The following FGF14 variants were observed in gnomAD, a reference collection of about 807,000 sequenced individuals.
FGF14 encodes the protein fibroblast growth factor homologous factor 4.
In FGF14, 5 loss-of-function variants were observed where a neutral mutation model predicts 25.5. That is an observed-to-expected ratio of 0.20 (90% CI 0.10 to 0.41). The LOEUF is 0.41. Ranked by LOEUF, FGF14 falls within the 10% of genes least tolerant of loss-of-function variation. The pLI is 1.00. For synonymous variants in FGF14, 138 were observed against 118.3 expected (o/e 1.17, Z -1.08); for missense variants, 222 against 320.1 (o/e 0.69, Z 2.34).
chr13:102,344,197 A>G (rs908534233), intron 1 of FGF14, among the ~76,000 whole-genome samples: 27 of 152,338 alleles, frequency 1.8e-4, no homozygotes, highest in African/African-American at 6.5e-4. Context: ...CACCTATTAA[A>G]AACTAAATTA....
chr13:101,945,779 GCA>G (rs1271138216), intron 1 of FGF14, among the ~76,000 whole-genome samples: 2 of 152,172 alleles, frequency 1.3e-5, no homozygotes, highest in African/African-American at 4.8e-5. Flanking sequence ...CTGTGACACG[GCA>G]CACTTTTCAA....
intron 1 of FGF14, among the ~76,000 whole-genome samples, chr13:102,112,293 A>G (rs2045269022): frequency 6.6e-6 from 1 of 152,180 alleles, no homozygotes; most frequent in South Asian, 2.1e-4. Context: ...GTGCTACCGC[A>G]GCTAGACATG....
chr13:101,752,922 G>A (rs1450516869), intron 3 of FGF14, among the ~76,000 whole-genome samples: 2 of 152,112 alleles, frequency 1.3e-5, no homozygotes, highest in Non-Finnish European at 2.9e-5. Context: ...TTCAGAACCA[G>A]GGGCACATAA....
chr13:102,275,282 C>CTG (rs1555391887), intron 1 of FGF14, among the ~76,000 whole-genome samples: 1 of 148,150 alleles, frequency 6.7e-6, no homozygotes, highest in African/African-American at 2.5e-5. Flanking sequence ...CTCTCTCTCT[C>CTG]TCTCTGCCAC....
At position 101,794,692 on chromosome 13, in the gene FGF14, A is replaced by C. The variant is rs77986636; in HGVS notation, c.409-67882T>G. 3.7e-3 allele frequency among the ~76,000 whole-genome samples: 565 copies of C among 152,234 alleles called. 3 individuals carry two copies. Among genetic ancestry groups the C allele is most frequent in the African/African-American group, 0.012 (516 of 41,562 alleles). On this transcript the variant is annotated intron_variant, in intron 3 of 4. Transcript: ENST00000376143. The stretch of plus-strand genomic sequence containing the variant: ...CTGAAACCCATGCTATATTCAACTG[A>C]ATATTCTAATGTCTTTGATTACAAA...
At chr13:101,946,914 G>A (rs530730978) in intron 1 of FGF14, among the ~76,000 whole-genome samples, 61 of 152,230 alleles carry the variant, frequency 4.0e-4, no homozygotes, top group African/African-American at 1.4e-3. Context: ...ACCCAGTGAG[G>A]TTATTATATT....
intron 1 of FGF14, among the ~76,000 whole-genome samples, chr13:101,966,965 G>C (rs987588558): frequency 2.0e-5 from 3 of 151,868 alleles, no homozygotes; most frequent in Non-Finnish European, 2.9e-5. Flanking sequence ...GTAAGAATTT[G>C]GTTTGTCAGT....
chr13:101,898,026 C>CT (rs36011137), intron 1 of FGF14, among the ~76,000 whole-genome samples: 52,649 of 151,684 alleles, frequency 0.35, 10,265 homozygotes, highest in African/African-American at 0.5. Context: ...TCCTTAGTAG[C>CT]TGGGACCACA....
intron 1 of FGF14, among the ~76,000 whole-genome samples, chr13:102,113,213 A>G (rs1345468597): frequency 6.6e-6 from 1 of 152,236 alleles, no homozygotes; most frequent in Non-Finnish European, 1.5e-5. Context: ...ATTTGCTGGT[A>G]TAACAGTTAA....
intron 1 of FGF14, among the ~76,000 whole-genome samples, chr13:102,181,283 T>C (rs1035940323): frequency 5.9e-5 from 9 of 152,156 alleles, no homozygotes; most frequent in African/African-American, 9.7e-5. Context: ...AGCCCATGAT[T>C]ATGTTACCTG....
chr13:101,867,983 T>C (rs941354428), intron 3 of FGF14, among the ~76,000 whole-genome samples: 1 of 151,598 alleles, frequency 6.6e-6, no homozygotes, highest in African/African-American at 2.4e-5. Flanking sequence ...TTGTTGGTGG[T>C]GATATTTAAC....
In FGF14 at chr13:102,400,674, G is replaced by A. The variant is rs2058682427; in HGVS notation, c.208+797C>T. ...TGTTGGAGCCCTTTGGAATCGGGGC[G>A]CATGATCACCAGTAGGCTTAAAAGC... On this transcript the variant is annotated intron_variant, in intron 1 of 4. Coordinates refer to the FGF14 transcript ENST00000376131. The surrounding 1 kb of genome is among the most constrained non-coding windows in gnomAD (Gnocchi z 4.3). 6.6e-6 allele frequency among the ~76,000 whole-genome samples: 1 copy of A among 152,204 alleles called. No individual in the cohort carries two copies.
intron 1 of FGF14, among the ~76,000 whole-genome samples, chr13:102,163,984 C>T (rs898662961): frequency 2.6e-5 from 4 of 152,116 alleles, no homozygotes; most frequent in Non-Finnish European, 5.9e-5. Context: ...TCACGTTTTA[C>T]CAAATGTCCT....
chr13:101,911,780 A>G (rs954100973), intron 1 of FGF14, among the ~76,000 whole-genome samples: 1 of 152,148 alleles, frequency 6.6e-6, no homozygotes, highest in Non-Finnish European at 1.5e-5. Flanking sequence ...TAAAATTATA[A>G]TTATCAAAAA....
intron 3 of FGF14, among the ~76,000 whole-genome samples, chr13:101,775,828 T>C (rs768694533): frequency 1.1e-4 from 16 of 152,178 alleles, no homozygotes; most frequent in Non-Finnish European, 1.5e-4. Context: ...GGGAAACATC[T>C]TTACCTTGTA....
At chr13:101,938,036 C>A (rs2035216218) in intron 1 of FGF14, among the ~76,000 whole-genome samples, 1 of 152,208 alleles carries the variant, frequency 6.6e-6, no homozygotes, top group African/African-American at 2.4e-5. Flanking sequence ...CCTTCATGCA[C>A]CGAATAGACA....
intron 1 of FGF14, among the ~76,000 whole-genome samples, chr13:102,386,009 T>C (rs1162981605): frequency 1.3e-5 from 2 of 152,194 alleles, no homozygotes; most frequent in Admixed American, 1.3e-4. Flanking sequence ...TACACAATTT[T>C]TGAAGTTCCT....
At chr13:102,142,757 T>C (rs1262322719) in intron 1 of FGF14, among the ~76,000 whole-genome samples, 1 of 152,210 alleles carries the variant, frequency 6.6e-6, no homozygotes, top group African/African-American at 2.4e-5. Flanking sequence ...TAATTCACAG[T>C]AGCATCAAGA....
At chr13:101,897,846 T>C (rs1283507279) in intron 1 of FGF14, among the ~76,000 whole-genome samples, 2 of 152,194 alleles carry the variant, frequency 1.3e-5, no homozygotes, top group Non-Finnish European at 1.5e-5. Context: ...TGTTCAATGG[T>C]TATGCTCAAA....
Sources: gnomAD v4.1 joint callset for allele counts (sites outside exome capture counted in the v4.1 genomes callset) on GRCh38, gnomAD v4.1.1 for gene constraint, Gnocchi (gnomAD v3.1) non-coding constraint, MANE v1.5 for transcripts, NCBI Gene and HGNC (gene_info 2026-07-23, HGNC 2026-07-21) for gene names.